The following PDGFRB variants were observed in gnomAD, a reference collection of about 807,000 sequenced individuals.
PDGFRB encodes the protein platelet-derived growth factor receptor beta.
In PDGFRB, 42 loss-of-function variants were observed where a neutral mutation model predicts 120.2. The observed-to-expected ratio is 0.35, with a 90% CI of 0.27 to 0.45. PDGFRB has a LOEUF of 0.45. PDGFRB is among the 20% of genes least tolerant of loss of function. PDGFRB has a pLI of 1.00. For missense variants in PDGFRB, 1,149 were observed against 1,476.3 expected (o/e 0.78, Z 3.63); for synonymous variants, 586 against 606.8 (o/e 0.97, Z 0.50).
chr5:150,135,307 T>C (rs1355914109), intron 3 of PDGFRB, among the ~76,000 whole-genome samples: 1 of 152,068 alleles, frequency 6.6e-6, no homozygotes, highest in Non-Finnish European at 1.5e-5. Context: ...GGGAGCAGAT[T>C]GGAAGCAGCT....
At chr5:150,127,210 T>A (rs929704315) in intron 10 of PDGFRB, among the ~76,000 whole-genome samples, 8 of 152,298 alleles carry the variant, frequency 5.3e-5, no homozygotes, top group African/African-American at 1.9e-4. Flanking sequence ...GTTAACAAAG[T>A]GGGGCTCACA....
rs1450670167 is a variant in PDGFRB, at chr5:150,114,918, C to T, written c.*845G>A. On this transcript the variant is annotated 3_prime_UTR_variant, in exon 23 of 23. Coordinates refer to ENST00000261799, the MANE Select transcript of PDGFRB (RefSeq NM_002609.4). ...GCCATATACTGGCACACACACGTGG[C>T]CACTCCACACTGGCACATTTACATT... is the stretch of plus-strand genomic sequence containing the variant. The T allele has an allele frequency of 4.3e-6, 1 of 233,100 alleles. No individual in the cohort carries two copies. The highest frequency in any genetic ancestry group is 8.5e-6 in the Non-Finnish European group (1 of 118,026). The allele number at this position is 233,100 out of a possible 1,614,324, so 14.4% of individuals were successfully genotyped here.
In PDGFRB at chr5:150,150,253, A is replaced by G. The variant is rs1454287467; in HGVS notation, c.-7+5144T>C. Reference sequence around the variant, plus strand: ...AAAGGCGAGCCCAGGTCCCAGGCTCAGCGTCATCACCAATGATCTGTACGG... The same window carrying G: ...AAAGGCGAGCCCAGGTCCCAGGCTCGGCGTCATCACCAATGATCTGTACGG... On this transcript the variant is annotated intron_variant, in intron 1 of 22. Coordinates refer to ENST00000261799, the MANE Select transcript of PDGFRB (RefSeq NM_002609.4). Among the ~76,000 whole-genome samples the G allele has an allele frequency of 3.9e-5, 6 of 152,220 alleles. No homozygotes were observed. In the East Asian group the frequency reaches 1.2e-3, roughly 29 times the overall value.
At chr5:150,124,155 T>G in intron 14 of PDGFRB, 95 bp downstream of exon 14, 1 of 758,420 alleles carries the variant, frequency 1.3e-6, no homozygotes, top group South Asian at 1.8e-5. Flanking sequence ...CCAGCAGGAG[T>G]GTGCTGTTGT....
chr5:150,117,325 TAA>T (rs1759965999), intron 22 of PDGFRB, among the ~76,000 whole-genome samples: 1 of 152,104 alleles, frequency 6.6e-6, no homozygotes, highest in South Asian at 2.1e-4. Flanking sequence ...GACCTAGAGA[TAA>T]GAGAGTATAG....
intron 3 of PDGFRB, 141 bp from the exon 4 acceptor site, chr5:150,135,157 T>C: frequency 1.7e-6 from 1 of 604,460 alleles, no homozygotes; most frequent in Non-Finnish European, 2.9e-6. Context: ...AGAGCATAAA[T>C]CAAATGTTAG....
rs757702025 is a variant in PDGFRB at position 150,121,278 on chromosome 5, C to G, written c.2389G>C (p.Val797Leu). 1 of 1,607,700 alleles carries G rather than the reference C, an allele frequency of 6.2e-7. No homozygotes were observed. Among genetic ancestry groups the G allele is most frequent in the Non-Finnish European group, 8.5e-7 (1 of 1,174,184 alleles). ...CRATLINESP[V>L]LSYMDLVGFS... is the part of the protein sequence containing the mutation. ...CCCACGAGGTCCATGTAGCTTAGCA[C>G]TGGAGACTCGTTGATCAAAGTTGCT... The change falls in exon 17 of 23, where the codon GTG becomes CTG. Residue 797 changes from valine to leucine, a missense_variant. Transcript: ENST00000261799. This position sits in a 1 kb window ranked among gnomAD's most constrained non-coding sequence, Gnocchi z 4.1.
intron 10 of PDGFRB, among the ~76,000 whole-genome samples, 182 bp downstream of exon 10, chr5:150,129,575 C>T (rs1319495029): frequency 6.6e-6 from 1 of 152,150 alleles, no homozygotes. Flanking sequence ...ACGTGTGTAC[C>T]CATATTGTGT....
At position 150,121,320 on chromosome 5, in the gene PDGFRB, G is replaced by T. The variant is rs1359322474; in HGVS notation, c.2347C>A (p.Pro783Thr). 2.1e-6 allele frequency: 3 copies of T among 1,435,032 alleles called. No homozygotes were observed. Among genetic ancestry groups the T allele is most frequent in the South Asian group, 1.1e-5 (1 of 87,650 alleles). The allele number at this position is 1,435,032 out of a possible 1,614,324, so 88.9% of individuals were successfully genotyped here. The change falls in exon 17 of 23, where the codon CCT becomes ACT. Residue 783 changes from proline to threonine, a missense_variant and splice_region_variant. By Grantham distance (38) the Pro-to-Thr change is conservative. Around this residue, in one of 3 missense-constraint regions of PDGFRB, gnomAD observed 879 missense variants for 1,108.6 expected, o/e 0.79. Transcript: ENST00000261799. The surrounding 1 kb of genome is among the most constrained non-coding windows in gnomAD (Gnocchi z 4.1). ...APYDNYVPSA[P>T]ERTCRATLIN... Reference sequence around the variant, plus strand: ...AAAGTTGCTCGGCAGGTCCTCTCAGGGGCTAGAGGAGAAGCAGAGGGTCAC... The same window carrying T: ...AAAGTTGCTCGGCAGGTCCTCTCAGTGGCTAGAGGAGAAGCAGAGGGTCAC...
Position 150,121,384 on chromosome 5 carries a change from G to T in PDGFRB, c.2345-62C>A. 1 of 823,732 alleles carries T rather than the reference G, an allele frequency of 1.2e-6. No homozygotes were observed. Among genetic ancestry groups the T allele is most frequent in the Non-Finnish European group, 2.2e-6 (1 of 458,432 alleles). 51.0% of individuals were successfully genotyped at this position (823,732 alleles called of 1,614,324 possible). On this transcript the variant is annotated intron_variant, in intron 16 of 22. Transcript: ENST00000261799. The surrounding 1 kb of genome is among the most constrained non-coding windows in gnomAD (Gnocchi z 4.1). ...TCTCCTTCTGGCCCACAGGACCCCT[G>T]CCCTTTGGCTCCTGGGAGACTGAAT...
rs535509531 is a variant in PDGFRB, at chr5:150,121,428, C to A, written c.2345-106G>T. ...ACTGAATGTCCAAGACAGGTGGCTACTGATCGTCTAGGTCTCCCCTAAAAG... is the reference window on the plus strand; with the variant it reads ...ACTGAATGTCCAAGACAGGTGGCTAATGATCGTCTAGGTCTCCCCTAAAAG... On this transcript the variant is annotated intron_variant, in intron 16 of 22. Transcript: ENST00000261799. This position sits in a 1 kb window ranked among gnomAD's most constrained non-coding sequence, Gnocchi z 4.1. The A allele has an allele frequency of 1.2e-5, 9 of 746,826 alleles. No homozygotes were observed. The highest frequency in any genetic ancestry group is 6.0e-4 in the Middle Eastern group (2 of 3,336). The allele number at this position is 746,826 out of a possible 1,614,324, so 46.3% of individuals were successfully genotyped here. A position where few individuals can be genotyped will look rare whatever the true frequency, so the allele number is the denominator to read the frequency against.
chr5:150,117,667 G>A lies in PDGFRB; in HGVS notation c.3088C>T (p.Pro1030Ser). ...AGTGGGCCCTCGTCAGCAACCTCGG[G>A]TTTGGGGTCAGGCAGGGGGATGATA... is the stretch of plus-strand genomic sequence containing the variant. The part of the protein sequence containing the change: ...DYIIPLPDPK[P>S]EVADEGPLEG... Residue 1030 changes from proline (P) to serine (S), a missense_variant, in exon 22 of 23, where the codon CCC (proline) becomes TCC (serine). Physicochemically the swap from Pro to Ser is moderately conservative, Grantham distance 74 (BLOSUM62 -1). This residue lies in a region of PDGFRB where 202 missense variants were observed against 214.3 expected (regional missense o/e 0.94). Transcript: ENST00000261799. 6.2e-7 allele frequency: 1 copy of A among 1,613,934 alleles called. No homozygotes were observed. The highest frequency in any genetic ancestry group is 8.5e-7 in the Non-Finnish European group (1 of 1,179,892).
chr5:150,131,039 C>T (rs1454602317), intron 8 of PDGFRB, among the ~76,000 whole-genome samples: 1 of 152,104 alleles, frequency 6.6e-6, no homozygotes, highest in African/African-American at 2.4e-5. Flanking sequence ...ACATGTGATG[C>T]CGATTTTCCA....
chr5:150,125,372 G>A, intron 12 of PDGFRB, 73 bp downstream of exon 12: 2 of 1,387,616 alleles, frequency 1.4e-6, no homozygotes, highest in Non-Finnish European at 2.0e-6. Flanking sequence ...GGCAAGGCTG[G>A]GACCAGACCT....
chr5:150,155,122 A>T (rs1761194798), intron 1 of PDGFRB, among the ~76,000 whole-genome samples: 1 of 151,824 alleles, frequency 6.6e-6, no homozygotes, highest in African/African-American at 2.4e-5. Flanking sequence ...GGAGGCCCCC[A>T]GTCAGCACCC....
At chr5:150,153,961 G>T (rs1761154330) in intron 1 of PDGFRB, 1 of 152,222 alleles carries the variant, frequency 6.6e-6, no homozygotes, top group African/African-American at 2.4e-5. Context: ...CTGGGCACTG[G>T]GGGAAGAGCA....
intron 9 of PDGFRB, 70 bp from the exon 10 acceptor site, chr5:150,130,038 T>A (rs1760417314): frequency 1.6e-6 from 2 of 1,238,514 alleles, no homozygotes; most frequent in African/African-American, 3.0e-5. Flanking sequence ...GAGGAGAAAC[T>A]GGTGGAAGGA....
At chr5:150,152,271 G>C (rs944920908) in intron 1 of PDGFRB, among the ~76,000 whole-genome samples, 3 of 152,184 alleles carry the variant, frequency 2.0e-5, no homozygotes, top group Admixed American at 6.5e-5. Context: ...CATGTTCCAA[G>C]TGCTGAGGAA....
chr5:150,134,227 G>C, intron 4 of PDGFRB: 1 of 584,534 alleles, frequency 1.7e-6, no homozygotes, highest in Non-Finnish European at 3.1e-6. Flanking sequence ...TGTTCTTATG[G>C]AGCTGACGTT....
Sources: gnomAD v4.1 joint callset for allele counts (sites outside exome capture counted in the v4.1 genomes callset) on GRCh38, gnomAD v4.1.1 for gene constraint, gnomAD v4.1.1 regional missense constraint, Gnocchi (gnomAD v3.1) non-coding constraint, MANE v1.5 for transcripts, NCBI Gene and HGNC (gene_info 2026-07-23, HGNC 2026-07-21) for gene names.